POU6F2: variants seen among roughly 807,000 people sequenced by gnomAD.
The protein encoded by POU6F2 is POU domain, class 6, transcription factor 2.
A neutral mutation model predicts 71.3 loss-of-function variants in POU6F2; 31 were observed. The ratio of observed to expected loss-of-function variants is 0.43; its 90% CI spans 0.33 to 0.59. POU6F2 has a LOEUF of 0.59. Ranked by LOEUF, POU6F2 falls within the 20% of genes least tolerant of loss-of-function variation. The pLI is 0.04. For missense variants in POU6F2, 783 were observed against 856.8 expected, an observed-to-expected ratio of 0.91 and a Z score of 1.07; for synonymous variants, 347 against 355.7, an observed-to-expected ratio of 0.98 and a Z score of 0.27.
intron 5 of POU6F2, among the ~76,000 whole-genome samples, chr7:39,367,005 G>A (rs1786515362): frequency 6.6e-6 from 1 of 152,032 alleles, no homozygotes; most frequent in South Asian, 2.1e-4. Flanking sequence ...AATACAAAAA[G>A]TTTTGGGGCT....
At chr7:39,026,719 G>A (rs930420497) in intron 1 of POU6F2, among the ~76,000 whole-genome samples, 3 of 152,100 alleles carry the variant, frequency 2.0e-5, no homozygotes, top group African/African-American at 7.2e-5. Flanking sequence ...CCTGCACATT[G>A]TGCACATGTA....
At chr7:39,342,207 G>A (rs968641315) in intron 5 of POU6F2, among the ~76,000 whole-genome samples, 1 of 131,152 alleles carries the variant, frequency 7.6e-6, no homozygotes, top group Non-Finnish European at 1.7e-5. Flanking sequence ...ATCTGTGTCG[G>A]TAGGCATAAA....
At chr7:39,042,907 C>T (rs1282034623) in intron 1 of POU6F2, among the ~76,000 whole-genome samples, 2 of 151,920 alleles carry the variant, frequency 1.3e-5, no homozygotes, top group African/African-American at 4.8e-5. Context: ...CAGGCTGTCT[C>T]TTACACTGCA....
intron 2 of POU6F2, among the ~76,000 whole-genome samples, chr7:39,166,039 T>C (rs1483371509): frequency 1.3e-5 from 2 of 152,220 alleles, no homozygotes; most frequent in East Asian, 3.8e-4. Flanking sequence ...TGCACCTCAC[T>C]ACTCAGCAGC....
intron 1 of POU6F2, among the ~76,000 whole-genome samples, chr7:39,035,260 G>C (rs1443304618): frequency 6.6e-6 from 1 of 152,006 alleles, no homozygotes; most frequent in African/African-American, 2.4e-5. Flanking sequence ...TGTTTAAAAG[G>C]ACAAATTACA....
intron 7 of POU6F2, among the ~76,000 whole-genome samples, chr7:39,439,571 C>A (rs1409074296): frequency 1.3e-5 from 2 of 152,218 alleles, no homozygotes; most frequent in African/African-American, 2.4e-5. Context: ...CTCACTGCAA[C>A]CTCTTCCTCC....
At chr7:39,252,622 C>T (rs1467465576) in intron 4 of POU6F2, among the ~76,000 whole-genome samples, 1 of 152,164 alleles carries the variant, frequency 6.6e-6, no homozygotes, top group Non-Finnish European at 1.5e-5. Flanking sequence ...TTCCTGTTTG[C>T]AGAGGTTGAA....
chr7:39,360,064 A>G (rs1180935098), intron 5 of POU6F2, among the ~76,000 whole-genome samples: 1 of 152,236 alleles, frequency 6.6e-6, no homozygotes, highest in Non-Finnish European at 1.5e-5. Flanking sequence ...TCAGATTTCA[A>G]ATGCAACACA....
At chr7:39,125,695 T>G (rs976576642) in intron 2 of POU6F2, among the ~76,000 whole-genome samples, 10 of 152,166 alleles carry the variant, frequency 6.6e-5, no homozygotes, top group Non-Finnish European at 1.2e-4. Flanking sequence ...TATTATCTTA[T>G]AATATCTCTC....
intron 4 of POU6F2, among the ~76,000 whole-genome samples, chr7:39,321,956 C>A (rs1785404942): frequency 6.9e-6 from 1 of 145,416 alleles, no homozygotes; most frequent in East Asian, 2.0e-4. Flanking sequence ...TACATGAGTC[C>A]AGACAAACAA....
intron 2 of POU6F2, among the ~76,000 whole-genome samples, chr7:39,193,909 C>A (rs926307607): frequency 1.3e-5 from 2 of 152,082 alleles, no homozygotes; most frequent in Non-Finnish European, 2.9e-5. Context: ...ATGGAATAAT[C>A]ATAAACACCT....
rs183848291 is a variant in POU6F2, at chr7:39,390,508, A to G, written c.973-16092A>G. On this transcript the variant is annotated intron_variant, in intron 5 of 9. Transcript: ENST00000518318. ...TCCATGATTCTTGTTAAATCAATAA[A>G]TCTTAACCAATTTGCATGAACATTA... Among the ~76,000 whole-genome samples the G allele has an allele frequency of 6.6e-5, 10 of 152,332 alleles. No individual in the cohort carries two copies. In the East Asian group the frequency reaches 1.9e-3, roughly 29 times the overall value.
chr7:39,335,363 G>C (rs1244641188), intron 4 of POU6F2, among the ~76,000 whole-genome samples: 1 of 152,168 alleles, frequency 6.6e-6, no homozygotes, highest in Non-Finnish European at 1.5e-5. Context: ...GTAGGACTGA[G>C]GTACAACTGT....
chr7:39,165,243 A>T (rs1793089107), intron 2 of POU6F2, among the ~76,000 whole-genome samples: 1 of 152,038 alleles, frequency 6.6e-6, no homozygotes, highest in African/African-American at 2.4e-5. Flanking sequence ...CCCCTCCTTC[A>T]TCTGTTAACC....
chr7:39,273,644 C>T (rs1282991675), intron 4 of POU6F2, among the ~76,000 whole-genome samples: 1 of 151,458 alleles, frequency 6.6e-6, no homozygotes, highest in South Asian at 2.1e-4. Context: ...CAATGGACAA[C>T]TGGAAAAAGC....
At chr7:39,300,192 C>T (rs1216165020) in intron 4 of POU6F2, among the ~76,000 whole-genome samples, 2 of 152,112 alleles carry the variant, frequency 1.3e-5, no homozygotes, top group Non-Finnish European at 2.9e-5. Context: ...GGTAAACAAA[C>T]GTGACTTTAT....
intron 8 of POU6F2, among the ~76,000 whole-genome samples, chr7:39,456,450 C>T (rs1006042741): frequency 1.1e-4 from 17 of 152,244 alleles, no homozygotes; most frequent in African/African-American, 3.9e-4. Context: ...GAAACAACCT[C>T]AAGAGTTTAA....
chr7:39,086,048 A>G lies in POU6F2; in HGVS notation c.277+17A>G. On this transcript the variant is annotated intron_variant, in intron 2 of 9. Transcript: ENST00000518318. Reference sequence around the variant, plus strand: ...AGCTCTTCGGTAAGTCTGTCTAGGTATTTCATTTCAGTACTACCATGTTGT... The same window carrying G: ...AGCTCTTCGGTAAGTCTGTCTAGGTGTTTCATTTCAGTACTACCATGTTGT... 6.2e-7 allele frequency: 1 copy of G among 1,611,018 alleles called. No homozygotes were observed. Among genetic ancestry groups the G allele is most frequent in the Non-Finnish European group, 8.5e-7 (1 of 1,178,374 alleles).
intron 7 of POU6F2, among the ~76,000 whole-genome samples, chr7:39,447,073 CT>C (rs1478129617): frequency 4.6e-5 from 7 of 152,160 alleles, no homozygotes; most frequent in African/African-American, 1.7e-4. Context: ...GCAACTGCAT[CT>C]GAGATGTGTC....
Sources: gnomAD v4.1 joint callset for allele counts (sites outside exome capture counted in the v4.1 genomes callset) on GRCh38, gnomAD v4.1.1 for gene constraint, MANE v1.5 for transcripts, NCBI Gene and HGNC (gene_info 2026-07-23, HGNC 2026-07-21) for gene names.